Variants in NLRP13 observed in about 807,000 individuals in gnomAD.
NLRP13 encodes the protein NACHT, LRR and PYD domains-containing protein 13.
NLRP13 carries 82 observed loss-of-function variants against 94.4 expected under a neutral mutation model. That is an observed-to-expected ratio of 0.87 (90% CI 0.73 to 1.04). The LOEUF (loss-of-function observed/expected upper bound fraction) is 1.04, where lower values mean the gene tolerates loss of function less well. NLRP13 is among the 50% of genes least tolerant of loss of function. The pLI is 0.00. For synonymous variants in NLRP13, 553 were observed against 464.7 expected, an observed-to-expected ratio of 1.19 and a Z score of -2.45; for missense variants, 1,426 against 1,230.8, an observed-to-expected ratio of 1.16 and a Z score of -2.37.
chr19:55,924,691 T>C (rs1986925334), intron 2 of NLRP13, 33 bp from the exon 3 acceptor site: 15 of 1,578,750 alleles, frequency 9.5e-6, no homozygotes, highest in Admixed American at 1.7e-5. Context: ...GATATGAAAA[T>C]ACCCCAGAGT....
chr19:55,898,717 C>T lies in NLRP13; in HGVS notation c.2957+53G>A, dbSNP rs142969920. On this transcript the variant is annotated intron_variant, in intron 10 of 10. Transcript: ENST00000342929. ...CCGATGGGATCCGATCATATCTCCC[C>T]ACCCGCAAGAGTAGAGAAGGAAGAC... 1,136 of 1,508,234 alleles carry T rather than the reference C, an allele frequency of 7.5e-4. 13 individuals are homozygous for T. The African/African-American group carries it at 0.013, about 18-fold the overall frequency. 93.4% of individuals were successfully genotyped at this position (1,508,234 alleles called of 1,614,324 possible).
chr19:55,931,601 T>C (rs448835), intron 1 of NLRP13, among the ~76,000 whole-genome samples: 68,680 of 147,038 alleles, frequency 0.47, 16,198 homozygotes, highest in East Asian at 0.54. Flanking sequence ...CCCAGCTACT[T>C]GGGAGGCTGA....
chr19:55,911,664 A>G (rs754740239), intron 5 of NLRP13, 42 bp downstream of exon 5: 3 of 1,522,970 alleles, frequency 2.0e-6, no homozygotes, highest in Non-Finnish European at 2.6e-6. Context: ...GAGCCTGAGA[A>G]AACAGGAGAA....
At chr19:55,895,535 T>C (rs1985983601), downstream of NLRP13, among the ~76,000 whole-genome samples, 1 of 151,880 alleles carries the variant, frequency 6.6e-6, no homozygotes, top group Non-Finnish European at 1.5e-5. Flanking sequence ...ATACAAAAAT[T>C]AGCTGGGCGT....
intron 7 of NLRP13, among the ~76,000 whole-genome samples, chr19:55,905,407 A>ATATATATATACATG (rs1986311584): frequency 2.2e-5 from 2 of 90,256 alleles, no homozygotes; most frequent in African/African-American, 8.5e-5. Context: ...ATATACATAC[A>ATATATATATACATG]TATATATACA....
In NLRP13 at chr19:55,923,907, T is replaced by C. The variant is rs1031780274; in HGVS notation, c.523+7A>G. On this transcript the variant is annotated splice_region_variant and intron_variant, in intron 4 of 10. Transcript: ENST00000342929. ...TGTCCATTATCAACATAAAGTAGTA[T>C]ACACACCTGCTTCCTCTAGCATCTC... The C allele has an allele frequency of 6.2e-7, 1 of 1,610,796 alleles. No homozygotes were observed. The highest frequency in any genetic ancestry group is 8.5e-7 in the Non-Finnish European group (1 of 1,177,010).
intron 7 of NLRP13, among the ~76,000 whole-genome samples, chr19:55,906,828 A>C (rs1487583371): frequency 2.0e-5 from 3 of 152,122 alleles, no homozygotes; most frequent in Non-Finnish European, 2.9e-5. Flanking sequence ...GATGGCCCGC[A>C]TGTCAACGCT....
intron 7 of NLRP13, among the ~76,000 whole-genome samples, chr19:55,907,371 A>G (rs1986384309): frequency 2.6e-5 from 4 of 152,290 alleles, no homozygotes; most frequent in South Asian, 4.1e-4. Context: ...CAGGAGTTCA[A>G]GACCAGCCTG....
rs200246750 is a variant in NLRP13, at chr19:55,912,563, G to A, written c.1254C>T (p.Leu418=). The change falls in exon 5 of 11, where the codon CTC becomes CTT. Residue 418 remains leucine, a synonymous_variant. Coordinates refer to ENST00000342929, the MANE Select transcript of NLRP13 (RefSeq NM_176810.2). ...CCATGGGGGCACTGCAGGAATGAAA[G>A]AGAGTTTCGTTTTTTCTTAGCTGCT... ...ILQQLRKNET[L]FHSCSAPMVC... 3 of 1,610,714 alleles carry A rather than the reference G, an allele frequency of 1.9e-6. No homozygotes were observed. The highest frequency in any genetic ancestry group is 1.7e-5 in the Admixed American group (1 of 59,736).
intron 9 of NLRP13, 85 bp downstream of exon 9, chr19:55,901,950 A>ACC: frequency 1.4e-6 from 2 of 1,415,660 alleles, no homozygotes; most frequent in African/African-American, 2.8e-5. Flanking sequence ...CCTCATTCAA[A>ACC]CCCCATCAGG....
intron 7 of NLRP13, among the ~76,000 whole-genome samples, chr19:55,905,431 A>C (rs1986313602): frequency 6.6e-6 from 1 of 150,522 alleles, no homozygotes; most frequent in Non-Finnish European, 1.5e-5. Context: ...ATATATACAC[A>C]CACATATATA....
At position 55,904,869 on chromosome 19, in the gene NLRP13, A is replaced by G. The variant is rs77809823; in HGVS notation, c.2618+73T>C. 8.2e-4 allele frequency: 1,055 copies of G among 1,281,146 alleles called. 7 individuals carry two copies. The African/African-American group carries it at 0.014, about 17-fold the overall frequency. The allele number at this position is 1,281,146 out of a possible 1,614,324, so 79.4% of individuals were successfully genotyped here. ...TTTTTAATAATATAAATAGATATCA[A>G]ATGAAGAAACCATTGTTCTAGATAT... On this transcript the variant is annotated intron_variant, in intron 8 of 10. Coordinates refer to ENST00000342929, the MANE Select transcript of NLRP13 (RefSeq NM_176810.2).
rs79874516 is a variant in NLRP13 at position 55,913,128 on chromosome 19, G to A, written c.689C>T (p.Thr230Met). Residue 230 changes from threonine (T) to methionine (M), a missense_variant, in exon 5 of 11, where the codon ACG becomes ATG. Thr to Met is a moderately conservative substitution (Grantham distance 81). Transcript: ENST00000342929. ...CCCTGCCCTCCCCACCAAGACTATC[G>A]TCTGGGCCTGGGCTCTAGTCCTATT... ...DPNRTRAQAQ[T>M]IVLVGRAGVG... The A allele has an allele frequency of 4.2e-5, 68 of 1,614,076 alleles. No homozygotes were observed. The South Asian group carries it at 4.4e-4, about 10-fold the overall frequency.
At chr19:55,911,555 A>G (rs1162587007) in intron 5 of NLRP13, 151 bp downstream of exon 5, 1 of 712,266 alleles carries the variant, frequency 1.4e-6, no homozygotes, top group East Asian at 2.6e-5. Context: ...AAAGGACAAC[A>G]TTCTTTCAAG....
chr19:55,891,900 T>G, downstream of NLRP13: 1 of 396,628 alleles, frequency 2.5e-6, no homozygotes, highest in Non-Finnish European at 4.4e-6. Context: ...AGCTCATTTG[T>G]CCCCACAAAT....
chr19:55,892,002 C>T (rs1344296606), downstream of NLRP13: 2 of 902,634 alleles, frequency 2.2e-6, no homozygotes, highest in East Asian at 6.6e-5. Flanking sequence ...TCCGTGGGAT[C>T]ACCACCACCA....
rs528688283 is a variant in NLRP13, at chr19:55,930,835, C to T, written c.319+1158G>A. Among the ~76,000 whole-genome samples, 11 of 133,950 alleles carry T rather than the reference C, an allele frequency of 8.2e-5. 1 individual carries two copies. In the South Asian group the frequency reaches 2.4e-3, roughly 29 times the overall value. 87.9% of individuals were successfully genotyped at this position (133,950 alleles called of 152,430 possible). On this transcript the variant is annotated intron_variant, in intron 1 of 10. Coordinates refer to ENST00000342929, the MANE Select transcript of NLRP13 (RefSeq NM_176810.2). ...ACTCACCACAGCAGATTACATGGTG[C>T]ACTAAGACCAGACGGCTTACAGGAG...
intron 8 of NLRP13, among the ~76,000 whole-genome samples, chr19:55,902,806 C>A (rs117447558): frequency 0.017 from 2,505 of 150,262 alleles, 207 homozygotes; most frequent in Admixed American, 0.14. Context: ...AATAGTATAT[C>A]GTTAATATAT....
rs147787759 is a variant in NLRP13 at position 55,912,959 on chromosome 19, A to G, written c.858T>C (p.Ser286=). 34 of 1,614,108 alleles carry G rather than the reference A, an allele frequency of 2.1e-5. No individual in the cohort carries two copies. The East Asian group carries it at 7.6e-4, about 36-fold the overall frequency. ...MKETTFAELI[S]LDWPDFDAPI... ...GGGCATCAAAATCGGGCCAATCCAA[A>G]GAAATCAATTCAGCAAAGGTAGTTT... The change falls in exon 5 of 11, where the codon TCT becomes TCC. Residue 286 remains serine (S), a synonymous_variant. Coordinates refer to ENST00000342929, the MANE Select transcript of NLRP13 (RefSeq NM_176810.2).
Sources: gnomAD v4.1 joint callset for allele counts (sites outside exome capture counted in the v4.1 genomes callset) on GRCh38, gnomAD v4.1.1 for gene constraint, MANE v1.5 for transcripts, NCBI Gene and HGNC (gene_info 2026-07-23, HGNC 2026-07-21) for gene names.